CENPK: variants seen among roughly 807,000 people sequenced by gnomAD.
The protein encoded by CENPK is SoxLZ/Sox6-binding protein Solt.
Under a neutral mutation model 40.9 loss-of-function variants are expected in CENPK, and 46 were observed. The observed-to-expected ratio is 1.13, with a 90% CI of 0.89 to 1.44. The LOEUF (loss-of-function observed/expected upper bound fraction) is 1.44. Ranked by LOEUF, CENPK falls within the 40% of genes most tolerant of loss-of-function variation. CENPK has a pLI of 0.00. For synonymous variants in CENPK, 107 were observed against 104.4 expected (o/e 1.02, Z -0.15); for missense variants, 288 against 303.5 (o/e 0.95, Z 0.38).
intron 6 of CENPK, chr5:65,541,229 G>A: frequency 2.8e-6 from 1 of 355,780 alleles, no homozygotes; most frequent in South Asian, 2.1e-5. Flanking sequence ...AGGAGGAGGG[G>A]ATCATGGAAA....
chr5:65,496,439 G>T, the CENPK span, among the ~76,000 whole-genome samples: 2 of 152,096 alleles, frequency 1.3e-5, no homozygotes, highest in Admixed American at 1.3e-4. Context: ...TAATAATCCA[G>T]TAGCCTTAAA....
intron 9 of CENPK, among the ~76,000 whole-genome samples, chr5:65,526,104 A>C (rs1435070129): frequency 6.6e-6 from 1 of 152,194 alleles, no homozygotes; most frequent in Non-Finnish European, 1.5e-5. Flanking sequence ...AGGTTATCAA[A>C]TCTGACTTAA....
At chr5:65,524,509 C>A (rs13169418) in intron 9 of CENPK, 61,124 of 146,652 alleles carry the variant, frequency 0.42, 12,784 homozygotes, top group East Asian at 0.66. Context: ...AAAAAAAAAA[C>A]CCCCCCACAC....
At chr5:65,523,969 G>T (rs1744208161) in intron 9 of CENPK, among the ~76,000 whole-genome samples, 2 of 151,966 alleles carry the variant, frequency 1.3e-5, no homozygotes. Context: ...TTAGTGTAAA[G>T]ACAAAGTATT....
the CENPK span, among the ~76,000 whole-genome samples, chr5:65,499,652 T>C: frequency 4.4e-5 from 1 of 22,854 alleles, no homozygotes; most frequent in South Asian, 1.2e-3. Flanking sequence ...ATATTAGATC[T>C]TTTTTTTTTT....
At chr5:65,555,763 G>C (rs1750868878) in intron 2 of CENPK, among the ~76,000 whole-genome samples, 1 of 152,196 alleles carries the variant, frequency 6.6e-6, no homozygotes, top group Non-Finnish European at 1.5e-5. Flanking sequence ...TTATTACGTT[G>C]CCAGTTACTG....
intron 2 of CENPK, among the ~76,000 whole-genome samples, chr5:65,559,121 T>A (rs925711577): frequency 6.6e-6 from 1 of 152,340 alleles, no homozygotes; most frequent in African/African-American, 2.4e-5. Flanking sequence ...TTTATTCATA[T>A]GGAACTTCTG....
At chr5:65,525,474 T>A (rs1744532810) in intron 9 of CENPK, among the ~76,000 whole-genome samples, 1 of 152,240 alleles carries the variant, frequency 6.6e-6, no homozygotes, top group Non-Finnish European at 1.5e-5. Flanking sequence ...GTATATGTGC[T>A]TAGCAAGATG....
chr5:65,538,814 G>A (rs1311452913), intron 6 of CENPK, among the ~76,000 whole-genome samples: 1 of 152,098 alleles, frequency 6.6e-6, no homozygotes, highest in African/African-American at 2.4e-5. Flanking sequence ...TATACTTCCG[G>A]TTCTCAGATA....
the CENPK span, among the ~76,000 whole-genome samples, chr5:65,498,229 T>C: frequency 6.6e-6 from 1 of 152,052 alleles, no homozygotes; most frequent in Non-Finnish European, 1.5e-5. Context: ...ATCTCTCTAA[T>C]GTTATGTAAA....
intron 5 of CENPK, among the ~76,000 whole-genome samples, chr5:65,547,443 T>C (rs1749208400): frequency 4.0e-5 from 6 of 150,284 alleles, no homozygotes. Context: ...ATGCTAAATA[T>C]ACTACTAAAA....
At chr5:65,514,682 G>A (rs1414366737), downstream of CENPK, among the ~76,000 whole-genome samples, 5 of 152,290 alleles carry the variant, frequency 3.3e-5, no homozygotes, top group Middle Eastern at 3.4e-3. Flanking sequence ...ATTCACTAGT[G>A]AAGCCATCTG....
At chr5:65,515,469 C>T (rs4700682), downstream of CENPK, among the ~76,000 whole-genome samples, 1 of 152,240 alleles carries the variant, frequency 6.6e-6, no homozygotes, top group African/African-American at 2.4e-5. Flanking sequence ...CCAACAAGTG[C>T]TGGGATTACA....
the CENPK span, among the ~76,000 whole-genome samples, chr5:65,497,296 A>G: frequency 6.6e-6 from 1 of 151,848 alleles, no homozygotes; most frequent in East Asian, 1.9e-4. Context: ...TGAACCCGGG[A>G]GATGGAGGTT....
intron 3 of CENPK, 108 bp downstream of exon 3, chr5:65,554,689 C>T: frequency 1.4e-6 from 1 of 689,794 alleles, no homozygotes; most frequent in Non-Finnish European, 2.6e-6. Context: ...ATTTATCATA[C>T]ATAATGGCTT....
intron 10 of CENPK, among the ~76,000 whole-genome samples, chr5:65,519,042 C>G (rs922375858): frequency 7.9e-5 from 12 of 152,166 alleles, no homozygotes; most frequent in Non-Finnish European, 1.2e-4. Context: ...CCACAAAACA[C>G]CTATTCTTCT....
rs1186908669 is a variant in CENPK, at chr5:65,529,164, C to A, written c.324G>T (p.Leu108=). The change falls in exon 7 of 11, where the codon CTG becomes CTT. Residue 108 remains leucine, a synonymous_variant. Transcript: ENST00000396679. ...TTTCATTCTTTGACTCCTTAGTGGA[C>A]AGTACCATTTCAAGATCTTGTCTCA... ...QKLRQDLEMV[L]STKESKNEKL... is the part of the protein sequence containing the mutation. 10 of 1,610,618 alleles carry A rather than the reference C, an allele frequency of 6.2e-6. No homozygotes were observed. Among genetic ancestry groups the A allele is most frequent in the Non-Finnish European group, 8.5e-6 (10 of 1,177,898 alleles).
the CENPK span, among the ~76,000 whole-genome samples, chr5:65,498,835 T>C: frequency 3.3e-5 from 5 of 151,958 alleles, no homozygotes; most frequent in African/African-American, 7.3e-5. Flanking sequence ...TTATTTTTTG[T>C]AGAGACAGAG....
At chr5:65,501,166 CT>C in the CENPK span, among the ~76,000 whole-genome samples, 1 of 139,674 alleles carries the variant, frequency 7.2e-6, no homozygotes, top group African/African-American at 2.6e-5. Context: ...TTTGCAATTG[CT>C]AAGTTTGTTT....
Sources: gnomAD v4.1 joint callset for allele counts (sites outside exome capture counted in the v4.1 genomes callset) on GRCh38, gnomAD v4.1.1 for gene constraint, MANE v1.5 for transcripts, NCBI Gene and HGNC (gene_info 2026-07-23, HGNC 2026-07-21) for gene names.